NFRKB: variants seen among roughly 807,000 people sequenced by gnomAD.
NFRKB encodes nuclear factor related to kappa-B-binding protein.
A neutral mutation model predicts 135.7 loss-of-function variants in NFRKB; 62 were observed. The observed-to-expected ratio is 0.46, with a 90% CI of 0.37 to 0.56. The LOEUF is 0.56. NFRKB is among the 20% of genes least tolerant of loss of function. NFRKB has a pLI of 0.00. For synonymous variants in NFRKB, 678 were observed against 635.6 expected (o/e 1.07, Z -1.00); for missense variants, 1,545 against 1,662.0 (o/e 0.93, Z 1.22).
chr11:129,877,269 C>A (rs1007206218), intron 16 of NFRKB, 56 bp downstream of exon 16: 1 of 1,515,178 alleles, frequency 6.6e-7, no homozygotes, highest in Non-Finnish European at 9.2e-7. Context: ...AGGCTCAGAG[C>A]ATCTCTCTGC....
chr11:129,888,027 ACT>A (rs149856945), intron 4 of NFRKB, among the ~76,000 whole-genome samples: 1,694 of 152,246 alleles, frequency 0.011, 30 homozygotes, highest in African/African-American at 0.039. Flanking sequence ...ACACAGCGAG[ACT>A]CTGTCCCAAA....
chr11:129,895,356 G>A (rs915510482), intron 1 of NFRKB, 140 bp downstream of exon 1: 24 of 143,964 alleles, frequency 1.7e-4, no homozygotes, highest in African/African-American at 6.3e-4. Flanking sequence ...CCAGCCTCAC[G>A]CGTCGCACCG....
At position 129,886,404 on chromosome 11, in the gene NFRKB, T is replaced by C. The variant is rs756216754; in HGVS notation, c.378A>G (p.Leu126=). The C allele has an allele frequency of 9.9e-6, 16 of 1,614,056 alleles. No individual in the cohort carries two copies. The highest frequency in any genetic ancestry group is 1.3e-5 in the Non-Finnish European group (15 of 1,180,012). Residue 126 remains leucine (L), a synonymous_variant, in exon 5 of 27, where the codon TTA becomes TTG. Coordinates refer to ENST00000682444, the MANE Select transcript of NFRKB (RefSeq NM_001143835.2). The part of the protein sequence containing the change: ...FNPEVVKYRQ[L]CFKSQYKRYL... ...AGCGCTTGTACTGTGACTTGAAGCA[T>C]AACTGCCGGTACTTGACCACCTCGG...
rs1225910799 is a variant in NFRKB at position 129,885,618 on chromosome 11, A to C, written c.466-9T>G. 6.2e-7 allele frequency: 1 copy of C among 1,600,998 alleles called. No individual in the cohort carries two copies. Among genetic ancestry groups the C allele is most frequent in the South Asian group, 1.1e-5 (1 of 90,116 alleles). On this transcript the variant is annotated splice_polypyrimidine_tract_variant and intron_variant, in intron 5 of 26. Coordinates refer to ENST00000682444, the MANE Select transcript of NFRKB (RefSeq NM_001143835.2). ...GCCATCTCCAGCAGATCCTAGGTAG[A>C]GATCAGGTGGGGGTACAAGTCATCA...
intron 8 of NFRKB, among the ~76,000 whole-genome samples, chr11:129,883,413 A>G (rs370456146): frequency 5.5e-4 from 84 of 152,348 alleles, no homozygotes; most frequent in Non-Finnish European, 1.0e-3. Flanking sequence ...ACCCAGTTCC[A>G]ATCTTTCTAC....
At chr11:129,877,300 C>CT in intron 16 of NFRKB, 25 bp downstream of exon 16, 1 of 1,613,090 alleles carries the variant, frequency 6.2e-7, no homozygotes, top group African/African-American at 1.3e-5. Flanking sequence ...GAGGCAGAGA[C>CT]TTACACTGGC....
rs142446933 is a variant in NFRKB at position 129,865,101 on chromosome 11, G to A, written c.3639C>T (p.Asn1213=). The change falls in exon 26 of 27, where the codon AAC becomes AAT. Residue 1213 remains asparagine, a splice_region_variant and synonymous_variant. Coordinates refer to ENST00000682444, the MANE Select transcript of NFRKB (RefSeq NM_001143835.2). ...TGATGTTGCGGCCCAACCCACTGAG[G>A]CTGTGGAGGGAAAGCAGGGGTGAGA... is the stretch of plus-strand genomic sequence containing the variant. ...APIIKGNLGA[N]LSGLGRNIIL... is the part of the protein sequence containing the mutation. 28 of 1,607,362 alleles carry A rather than the reference G, an allele frequency of 1.7e-5. No individual in the cohort carries two copies. Among genetic ancestry groups the A allele is most frequent in the Non-Finnish European group, 2.4e-5 (28 of 1,175,862 alleles).
chr11:129,865,136 A>G (rs766610076), intron 25 of NFRKB, 35 bp from the exon 26 acceptor site: 1 of 1,589,538 alleles, frequency 6.3e-7, no homozygotes, highest in South Asian at 1.1e-5. Context: ...ATATAATGAT[A>G]TCGACAGGTA....
chr11:129,873,614 C>T lies in NFRKB; in HGVS notation c.2550+131G>A, dbSNP rs903446835. On this transcript the variant is annotated intron_variant, in intron 22 of 26. Transcript: ENST00000682444. ...GCTCTGAACATTCAGTGGCTTATTCCGATGAATGTCATCACCAGTAGCAAT... is the reference window on the plus strand; with the variant it reads ...GCTCTGAACATTCAGTGGCTTATTCTGATGAATGTCATCACCAGTAGCAAT... The T allele has an allele frequency of 1.9e-5, 24 of 1,275,830 alleles. No homozygotes were observed. In the African/African-American group the frequency reaches 2.4e-4, roughly 13 times the overall value. 79.0% of individuals were successfully genotyped at this position (1,275,830 alleles called of 1,614,324 possible).
chr11:129,874,210 G>A lies in NFRKB; in HGVS notation c.2182C>T (p.Pro728Ser). 2.0e-6 allele frequency: 3 copies of A among 1,520,824 alleles called. No individual in the cohort carries two copies. The highest frequency in any genetic ancestry group is 1.8e-6 in the Non-Finnish European group (2 of 1,136,788). The allele number at this position is 1,520,824 out of a possible 1,614,324, so 94.2% of individuals were successfully genotyped here. The stretch of plus-strand genomic sequence containing the variant: ...GAGATGGGAATGGCGGGCAATGCTG[G>A]TGTGGTGGGGGTTACAGGTGTGACT... ...TPVTPVTPTT[P>S]ALPAIPISPP... The change falls in exon 21 of 27, where the codon CCA (proline) becomes TCA (serine). Residue 728 changes from proline (P) to serine (S), a missense_variant. Around this residue, in one of 3 missense-constraint regions of NFRKB, gnomAD observed 753 missense variants for 804.3 expected, o/e 0.94. Transcript: ENST00000682444. The surrounding 1 kb of genome is among the most constrained non-coding windows in gnomAD (Gnocchi z 4.5).
rs753695792 is a variant in NFRKB at position 129,877,342 on chromosome 11, G to A, written c.1555C>T (p.Arg519Trp). Reference sequence around the variant, plus strand: ...GTTCTTACCTGCTCCTGAAAAACCCGTTTCTCCTCCCCCGTGCTGGGACGC... The same window carrying A: ...GTTCTTACCTGCTCCTGAAAAACCCATTTCTCCTCCCCCGTGCTGGGACGC... ...VVRPSTGEEK[R>W]VFQEQERYRY... The change falls in exon 16 of 27, where the codon CGG (arginine) becomes TGG (tryptophan). Residue 519 changes from arginine (R) to tryptophan (W), a missense_variant. By Grantham distance (101) the Arg-to-Trp change is moderately radical. Coordinates refer to ENST00000682444, the MANE Select transcript of NFRKB (RefSeq NM_001143835.2). 36 of 1,613,998 alleles carry A rather than the reference G, an allele frequency of 2.2e-5. No homozygotes were observed. Among genetic ancestry groups the A allele is most frequent in the African/African-American group, 4.0e-5 (3 of 74,910 alleles).
At chr11:129,871,684 C>T (rs146471948) in intron 23 of NFRKB, among the ~76,000 whole-genome samples, 3,763 of 152,258 alleles carry the variant, frequency 0.025, 163 homozygotes, top group African/African-American at 0.085. Flanking sequence ...CGGTCACTCC[C>T]ATCTGCGGCA....
chr11:129,877,180 C>G (rs1313138573), intron 16 of NFRKB, 145 bp downstream of exon 16: 1 of 881,554 alleles, frequency 1.1e-6, no homozygotes, highest in Non-Finnish European at 1.8e-6. Context: ...GTTTCCACCC[C>G]CAACAAGTAA....
At chr11:129,885,880 G>C (rs1949252990) in intron 5 of NFRKB, among the ~76,000 whole-genome samples, 1 of 152,150 alleles carries the variant, frequency 6.6e-6, no homozygotes, top group Admixed American at 6.5e-5. Flanking sequence ...AAGCTTAAAG[G>C]ATGACTTAAA....
At chr11:129,889,153 G>A (rs182658655) in intron 3 of NFRKB, among the ~76,000 whole-genome samples, 21 of 152,084 alleles carry the variant, frequency 1.4e-4, no homozygotes, top group Admixed American at 4.6e-4. Context: ...GTAGAGATAG[G>A]GTTTCACCAT....
At chr11:129,877,743 T>C (rs1948833791) in intron 15 of NFRKB, among the ~76,000 whole-genome samples, 1 of 152,008 alleles carries the variant, frequency 6.6e-6, no homozygotes, top group Non-Finnish European at 1.5e-5. Context: ...GGGTTGTTTT[T>C]CTACCTCCAG....
rs958145211 is a variant in NFRKB, at chr11:129,895,510, C to T, written c.-116G>A. 6.6e-6 allele frequency: 1 copy of T among 152,434 alleles called. No homozygotes were observed. The highest frequency in any genetic ancestry group is 1.5e-5 in the Non-Finnish European group (1 of 68,232). The allele number at this position is 152,434 out of a possible 1,614,324, so 9.4% of individuals were successfully genotyped here. A position where few individuals can be genotyped will look rare whatever the true frequency, so the allele number is the denominator to read the frequency against. ...CCCGCCCTCACCTGAACCGCGGGCG[C>T]CGGCCCCCTAACCCGCAGCCCTTCT... On this transcript the variant is annotated 5_prime_UTR_variant, in exon 1 of 27. Coordinates refer to ENST00000682444, the MANE Select transcript of NFRKB (RefSeq NM_001143835.2).
At chr11:129,887,003 G>T (rs532202473) in intron 4 of NFRKB, among the ~76,000 whole-genome samples, 53 of 152,260 alleles carry the variant, frequency 3.5e-4, no homozygotes, top group African/African-American at 1.2e-3. Flanking sequence ...AATATAATGC[G>T]ATTTCAGGTG....
rs570158856 is a variant in NFRKB, at chr11:129,885,065, T to C, written c.641-219A>G. Among the ~76,000 whole-genome samples, 61 of 152,258 alleles carry C rather than the reference T, an allele frequency of 4.0e-4. No homozygotes were observed. In the South Asian group the frequency reaches 0.011, roughly 27 times the overall value. ...ACTTCAACAGAGTGCTGGGGTTGCA[T>C]TGCAGCAGGCCAAGAGCCACTACTA... On this transcript the variant is annotated intron_variant, in intron 6 of 26. Coordinates refer to ENST00000682444, the MANE Select transcript of NFRKB (RefSeq NM_001143835.2).
Sources: allele counts gnomAD v4.1 joint callset (sites outside exome capture counted in the v4.1 genomes callset), GRCh38; gene constraint gnomAD v4.1.1; regional missense constraint gnomAD v4.1.1; non-coding constraint Gnocchi (gnomAD v3.1); transcripts MANE v1.5; gene names NCBI Gene and HGNC (gene_info 2026-07-23, HGNC 2026-07-21).